Variants in SMN2 observed in about 807,000 individuals in gnomAD.
The protein encoded by SMN2 is survival of motor neuron 2, centromeric.
A neutral mutation model predicts 2.8 loss-of-function variants in SMN2; 1 was observed. The observed-to-expected ratio is 0.35, with a 90% CI of 0.13 to 1.68. The LOEUF (loss-of-function observed/expected upper bound fraction) is 1.68, where lower values mean the gene tolerates loss of function less well. Among genes scored for constraint, SMN2 ranks in the 40% most tolerant of loss-of-function variants. The probability of loss-of-function intolerance (pLI) is 0.35; values close to 1 mark genes in which losing one functional copy is unlikely to be tolerated. For synonymous variants in SMN2, 5 were observed against 5.0 expected (o/e 0.99, Z 0.01); for missense variants, 12 against 16.9 (o/e 0.71, Z 0.51).
chr5:70,083,749 C>G, the SMN2 span, among the ~76,000 whole-genome samples: 1 of 125,442 alleles, frequency 8.0e-6, no homozygotes. Context: ...GGGAATTGAA[C>G]AATGAGAACA....
chr5:70,071,638 T>TC (rs1774615455), intron 7 of SMN2, among the ~76,000 whole-genome samples: 1 of 136,178 alleles, frequency 7.3e-6, no homozygotes, highest in African/African-American at 2.7e-5. Context: ...CCTCAGCCTC[T>TC]CCGAGTAGCT....
chr5:70,083,720 C>G, the SMN2 span, among the ~76,000 whole-genome samples: 1 of 129,882 alleles, frequency 7.7e-6, no homozygotes, highest in East Asian at 2.2e-4. Context: ...CCAAACACCG[C>G]ATGTTCTCAC....
chr5:70,079,852 A>G (rs1416225885), downstream of SMN2, among the ~76,000 whole-genome samples: 4 of 76,972 alleles, frequency 5.2e-5, no homozygotes, highest in African/African-American at 1.6e-4. Flanking sequence ...GACATGATCT[A>G]TGTTGCCCAA....
chr5:70,088,405 A>T, the SMN2 span, among the ~76,000 whole-genome samples: 1 of 109,706 alleles, frequency 9.1e-6, no homozygotes, highest in African/African-American at 4.2e-5. Flanking sequence ...AAGACAGGAA[A>T]ATGAGGGTAA....
chr5:70,084,049 C>T, the SMN2 span, among the ~76,000 whole-genome samples: 6 of 87,744 alleles, frequency 6.8e-5, no homozygotes, highest in African/African-American at 1.3e-4. Context: ...ATGTGTACCA[C>T]GCTTAATGAA....
intron 1 of SMN2, among the ~76,000 whole-genome samples, chr5:70,052,525 G>A (rs1198265497): frequency 1.3e-4 from 2 of 15,570 alleles, no homozygotes; most frequent in East Asian, 8.5e-4. Flanking sequence ...TGGGCAACAA[G>A]AGCAAAACTT....
At chr5:70,074,721 A>G (rs1774689594) in intron 7 of SMN2, among the ~76,000 whole-genome samples, 2 of 120,070 alleles carry the variant, frequency 1.7e-5, no homozygotes, top group South Asian at 5.4e-4. Flanking sequence ...AGCTGGGCGC[A>G]GTGGCTCACG....
the SMN2 span, among the ~76,000 whole-genome samples, chr5:70,085,138 C>T: frequency 4.8e-4 from 62 of 128,992 alleles, 4 homozygotes; most frequent in African/African-American, 1.8e-3. Flanking sequence ...AAGGTGCATG[C>T]GGGCTGTGAG....
the SMN2 span, among the ~76,000 whole-genome samples, chr5:70,083,766 C>T: frequency 3.9e-5 from 5 of 127,194 alleles, 1 homozygote; most frequent in East Asian, 1.1e-3. Flanking sequence ...AACACATGGA[C>T]ACAGGAAGGG....
At position 70,075,702 on chromosome 5, in the gene SMN2, CT is replaced by C. The variant is rs779217196; in HGVS notation, c.835-818del. Among the ~76,000 whole-genome samples, 39 of 120,738 alleles carry C rather than the reference CT, an allele frequency of 3.2e-4. 7 individuals are homozygous for C. The highest frequency in any genetic ancestry group is 4.0e-4 in the Non-Finnish European group (23 of 57,932). 79.2% of individuals were successfully genotyped at this position (120,738 alleles called of 152,430 possible). ...AAATTTTATTTTTTAGAGACCAGGT[CT>C]CACTCTATTGCTCAGGCTGGAGTGC... On this transcript the variant is annotated intron_variant, in intron 7 of 8. Coordinates refer to ENST00000380743, the MANE Select transcript of SMN2 (RefSeq NM_017411.4).
chr5:70,085,035 T>C, the SMN2 span, among the ~76,000 whole-genome samples: 13 of 137,134 alleles, frequency 9.5e-5, 3 homozygotes, highest in Admixed American at 9.5e-4. Flanking sequence ...TATATAGTTC[T>C]ACATTTTTCA....
downstream of SMN2, among the ~76,000 whole-genome samples, chr5:70,082,133 G>T (rs7705237): frequency 7.7e-6 from 1 of 130,406 alleles, no homozygotes; most frequent in African/African-American, 3.4e-5. Context: ...TGTGGTTTTT[G>T]TCTTTGGTTC....
downstream of SMN2, among the ~76,000 whole-genome samples, chr5:70,083,518 C>T (rs1561421280): frequency 1.5e-5 from 2 of 135,910 alleles, 1 homozygote; most frequent in Non-Finnish European, 3.1e-5. Context: ...TTTATTGCGG[C>T]ACTATTCACA....
At chr5:70,085,074 A>G in the SMN2 span, among the ~76,000 whole-genome samples, 1 of 133,572 alleles carries the variant, frequency 7.5e-6, no homozygotes, top group African/African-American at 3.2e-5. Flanking sequence ...TTGTGATTTT[A>G]CTGTTTAAAG....
At chr5:70,052,909 GA>G (rs1320174158) in intron 1 of SMN2, among the ~76,000 whole-genome samples, 201 of 129,962 alleles carry the variant, frequency 1.5e-3, no homozygotes, top group African/African-American at 5.3e-3. Flanking sequence ...AAAGTGGGAG[GA>G]TCAATGTACT....
In SMN2 at chr5:70,070,672, A is replaced by G; in HGVS notation, c.755A>G (p.Asp252Gly). 1 of 45,660 alleles carries G rather than the reference A, an allele frequency of 2.2e-5. No individual in the cohort carries two copies. Among genetic ancestry groups the G allele is most frequent in the Non-Finnish European group, 3.6e-5 (1 of 27,850 alleles). The allele number at this position is 45,660 out of a possible 1,614,324, so 2.8% of individuals were successfully genotyped here. The change falls in exon 7 of 9, where the codon GAT becomes GGT. Residue 252 changes from aspartate to glycine, a missense_variant. Asp to Gly is a moderately conservative substitution (Grantham distance 94). Coordinates refer to ENST00000380743, the MANE Select transcript of SMN2 (RefSeq NM_017411.4). ...CCCCCACCACCTCCCATATGTCCAG[A>G]TTCTCTTGATGATGCTGATGCTTTG... ...IIPPPPPICP[D>G]SLDDADALGS...
downstream of SMN2, among the ~76,000 whole-genome samples, chr5:70,083,373 C>G (rs181945877): frequency 1.2e-4 from 16 of 136,724 alleles, 2 homozygotes; most frequent in Non-Finnish European, 2.3e-4. Flanking sequence ...ACTGCTTCAA[C>G]CACTGTGGAA....
downstream of SMN2, among the ~76,000 whole-genome samples, chr5:70,079,521 C>G (rs1383210312): frequency 6.9e-5 from 10 of 144,692 alleles, 1 homozygote; most frequent in Non-Finnish European, 1.5e-4. Context: ...TTTGGGAGGA[C>G]GAGACAGGCG....
the SMN2 span, among the ~76,000 whole-genome samples, chr5:70,083,931 A>G: frequency 8.1e-6 from 1 of 123,574 alleles, no homozygotes; most frequent in South Asian, 2.4e-4. Flanking sequence ...GTGCACATGT[A>G]CCCTAAAACT....
Sources: gnomAD v4.1 joint callset for allele counts (sites outside exome capture counted in the v4.1 genomes callset) on GRCh38, gnomAD v4.1.1 for gene constraint, MANE v1.5 for transcripts, NCBI Gene and HGNC (gene_info 2026-07-23, HGNC 2026-07-21) for gene names.